The following C1orf94 variants were observed in gnomAD, a reference collection of about 807,000 sequenced individuals.
The protein encoded by C1orf94 is uncharacterized protein C1orf94.
C1orf94 carries 45 observed loss-of-function variants against 53.6 expected under a neutral mutation model. The ratio of observed to expected loss-of-function variants is 0.84; its 90% CI spans 0.66 to 1.08. The LOEUF (loss-of-function observed/expected upper bound fraction) is 1.08. Ranked by LOEUF, C1orf94 falls within the 50% of genes least tolerant of loss-of-function variation. C1orf94 has a pLI of 0.00. For missense variants in C1orf94, 762 were observed against 738.9 expected, an observed-to-expected ratio of 1.03 and a Z score of -0.36; for synonymous variants, 304 against 296.1, an observed-to-expected ratio of 1.03 and a Z score of -0.27.
At chr1:34,199,513 A>T (rs1642660686) in intron 2 of C1orf94, among the ~76,000 whole-genome samples, 1 of 152,184 alleles carries the variant, frequency 6.6e-6, no homozygotes, top group Non-Finnish European at 1.5e-5. Flanking sequence ...CTCAGCCCCC[A>T]AGCCGCTGGG....
chr1:34,176,847 T>C (rs1266104311), upstream of C1orf94, among the ~76,000 whole-genome samples: 1 of 152,074 alleles, frequency 6.6e-6, no homozygotes, highest in African/African-American at 2.4e-5. Flanking sequence ...CTGGGGTCCT[T>C]TGGGCCCCAC....
chr1:34,171,476 T>TG (rs1571331561), intron 1 of C1orf94, among the ~76,000 whole-genome samples: 3 of 152,138 alleles, frequency 2.0e-5, no homozygotes, highest in East Asian at 3.9e-4. Context: ...GATGGATGGA[T>TG]GAATGGATGG....
At chr1:34,182,859 C>G (rs1642331031) in intron 1 of C1orf94, among the ~76,000 whole-genome samples, 1 of 152,122 alleles carries the variant, frequency 6.6e-6, no homozygotes, top group African/African-American at 2.4e-5. Context: ...ATGCTGAGAG[C>G]TGGGAGGATG....
chr1:34,168,768 A>T (rs571473099), intron 1 of C1orf94, among the ~76,000 whole-genome samples: 53 of 152,290 alleles, frequency 3.5e-4, no homozygotes, highest in Non-Finnish European at 6.3e-4. Flanking sequence ...GACACCAGTC[A>T]TACTGGATTA....
At chr1:34,205,809 G>C (rs559707799) in intron 4 of C1orf94, among the ~76,000 whole-genome samples, 3 of 152,206 alleles carry the variant, frequency 2.0e-5, no homozygotes, top group Admixed American at 6.5e-5. Context: ...GTGGTAGGAG[G>C]ACTCAGAGAT....
intron 1 of C1orf94, among the ~76,000 whole-genome samples, chr1:34,171,456 C>G (rs988016414): frequency 1.5e-5 from 2 of 132,116 alleles, no homozygotes; most frequent in Non-Finnish European, 3.4e-5. Flanking sequence ...AATGGATAAA[C>G]AGATGGATGG....
rs1259453401 is a variant in C1orf94, at chr1:34,200,825, A to G, written c.1063A>G (p.Ser355Gly). 3.1e-6 allele frequency: 5 copies of G among 1,614,078 alleles called. No homozygotes were observed. In the African/African-American group the frequency reaches 6.7e-5, roughly 22 times the overall value. Residue 355 changes from serine (S) to glycine (G), a missense_variant, in exon 3 of 7, where the codon AGC (serine) becomes GGC (glycine). Physicochemically the swap from Ser to Gly is moderately conservative, Grantham distance 56. Coordinates refer to ENST00000488417, the MANE Select transcript of C1orf94 (RefSeq NM_001134734.2). ...AAAGGGTCAAGGGAGCCTCTTTCTC[A>G]GCCAGTGGCCCCAGAGCCAGAAGGA... The part of the protein sequence containing the change: ...PKKGQGSLFL[S>G]QWPQSQKDAC...
chr1:34,219,016 A>T lies in C1orf94; in HGVS notation c.*255A>T, dbSNP rs41266415. 61,831 of 322,142 alleles carry T rather than the reference A, an allele frequency of 0.19. 6,266 individuals carry two copies. Among genetic ancestry groups the T allele is most frequent in the East Asian group, 0.25 (5,095 of 20,422 alleles). The allele number at this position is 322,142 out of a possible 1,614,324, so 20.0% of individuals were successfully genotyped here. A position where few individuals can be genotyped will look rare whatever the true frequency, so the allele number is the denominator to read the frequency against. On this transcript the variant is annotated 3_prime_UTR_variant, in exon 7 of 7. Transcript: ENST00000488417. ...TACTTGCTTGCTCAACCACTTATGCATCTATATTTAGCTAACATGAGTGAT... is the reference window on the plus strand; with the variant it reads ...TACTTGCTTGCTCAACCACTTATGCTTCTATATTTAGCTAACATGAGTGAT...
At position 34,177,226 on chromosome 1, in the gene C1orf94, C is replaced by T. The variant is rs1319050355; in HGVS notation, c.-564C>T. ...GGGGTAGGGCGAGAGAAAAGCAGGA[C>T]CTGGGCCGGGGGTGGGAGTCGGGCC... is the stretch of plus-strand genomic sequence containing the variant. On this transcript the variant is annotated 5_prime_UTR_variant, in exon 1 of 7. Coordinates refer to ENST00000488417, the MANE Select transcript of C1orf94 (RefSeq NM_001134734.2). 6.6e-6 allele frequency among the ~76,000 whole-genome samples: 1 copy of T among 152,130 alleles called. No individual in the cohort carries two copies. Among genetic ancestry groups the T allele is most frequent in the Non-Finnish European group, 1.5e-5 (1 of 68,004 alleles).
intron 6 of C1orf94, among the ~76,000 whole-genome samples, chr1:34,215,799 A>G (rs1204594510): frequency 1.3e-5 from 2 of 152,186 alleles, no homozygotes; most frequent in Non-Finnish European, 2.9e-5. Flanking sequence ...TGAGGTCAGG[A>G]GTTCGAGACC....
In C1orf94 at chr1:34,197,058, T is replaced by C. The variant is rs528735020; in HGVS notation, c.321-167T>C. Among the ~76,000 whole-genome samples the C allele has an allele frequency of 6.6e-6, 1 of 152,318 alleles. No individual in the cohort carries two copies. Among genetic ancestry groups the C allele is most frequent in the East Asian group, 1.9e-4 (1 of 5,182 alleles). ...TCAGTGCTGCATCCTACCGCTGTGG[T>C]ATAGGACCCTCTGGGGGTCCAGTGT... On this transcript the variant is annotated intron_variant, in intron 1 of 6. Coordinates refer to ENST00000488417, the MANE Select transcript of C1orf94 (RefSeq NM_001134734.2). The surrounding 1 kb of genome is among the most constrained non-coding windows in gnomAD (Gnocchi z 4.1).
At position 34,197,345 on chromosome 1, in the gene C1orf94, C is replaced by T. The variant is rs368428091; in HGVS notation, c.441C>T (p.Pro147=). 2.2e-4 allele frequency: 356 copies of T among 1,596,206 alleles called. 1 individual carries two copies. In the African/African-American group the frequency reaches 4.0e-3, roughly 18 times the overall value. ...AGAGTTCTGGGGAGCTGGAGGTACC[C>T]GGCAGCTCTCCCGAGGGGACCAGAG... The part of the protein sequence containing the change: ...VEESSGELEV[P]GSSPEGTREL... Residue 147 remains proline, a synonymous_variant, in exon 2 of 7, where the codon CCC becomes CCT. Coordinates refer to ENST00000488417, the MANE Select transcript of C1orf94 (RefSeq NM_001134734.2). This position sits in a 1 kb window ranked among gnomAD's most constrained non-coding sequence, Gnocchi z 4.1.
At chr1:34,182,777 G>A (rs12406216) in intron 1 of C1orf94, among the ~76,000 whole-genome samples, 47,219 of 152,034 alleles carry the variant, frequency 0.31, 8,203 homozygotes, top group South Asian at 0.47. Flanking sequence ...CAAACTCAAG[G>A]TGGGGAGTGT....
chr1:34,190,427 T>C (rs1191175619), intron 1 of C1orf94, among the ~76,000 whole-genome samples: 1 of 152,064 alleles, frequency 6.6e-6, no homozygotes, highest in Non-Finnish European at 1.5e-5. Flanking sequence ...ATGTGCCCCA[T>C]CCACTTGAAC....
chr1:34,168,312 TA>T (rs1642083336), intron 1 of C1orf94, among the ~76,000 whole-genome samples: 1 of 151,910 alleles, frequency 6.6e-6, no homozygotes, highest in African/African-American at 2.4e-5. Flanking sequence ...AATATAATAA[TA>T]GAATTAAGCA....
intron 5 of C1orf94, among the ~76,000 whole-genome samples, chr1:34,209,660 G>A (rs1642858911): frequency 6.6e-6 from 1 of 152,148 alleles, no homozygotes; most frequent in African/African-American, 2.4e-5. Context: ...GGAGGGTAGG[G>A]AAGAGCCTGC....
Position 34,181,681 on chromosome 1 carries a change from C to G in C1orf94, c.320+3572C>G, listed in dbSNP as rs76234360. On this transcript the variant is annotated intron_variant, in intron 1 of 6. Transcript: ENST00000488417. Reference sequence around the variant, plus strand: ...TTCAGAATGTGAAAAGAATGGTATTCCCAGTGGAGGAGACCCATAAGAAAC... The same window carrying G: ...TTCAGAATGTGAAAAGAATGGTATTGCCAGTGGAGGAGACCCATAAGAAAC... Among the ~76,000 whole-genome samples, 24 of 152,208 alleles carry G rather than the reference C, an allele frequency of 1.6e-4. No individual in the cohort carries two copies. The East Asian group carries it at 4.6e-3, about 29-fold the overall frequency.
At chr1:34,171,512 T>G (rs888099686) in intron 1 of C1orf94, among the ~76,000 whole-genome samples, 1 of 152,194 alleles carries the variant, frequency 6.6e-6, no homozygotes, top group Non-Finnish European at 1.5e-5. Flanking sequence ...GTACTGTTTG[T>G]GGAATGGACC....
At chr1:34,176,465 G>GGAC (rs1642227641), upstream of C1orf94, among the ~76,000 whole-genome samples, 1 of 151,864 alleles carries the variant, frequency 6.6e-6, no homozygotes, top group African/African-American at 2.4e-5. Flanking sequence ...CCTGCACCTC[G>GGAC]GACCTCCTAC....
Sources: gnomAD v4.1 joint callset for allele counts (sites outside exome capture counted in the v4.1 genomes callset) on GRCh38, gnomAD v4.1.1 for gene constraint, Gnocchi (gnomAD v3.1) non-coding constraint, MANE v1.5 for transcripts, NCBI Gene and HGNC (gene_info 2026-07-23, HGNC 2026-07-21) for gene names.